The following MYOF variants were observed in gnomAD, a reference collection of about 807,000 sequenced individuals.
The protein encoded by MYOF is fer-1-like 3, myoferlin.
A neutral mutation model predicts 284.2 loss-of-function variants in MYOF; 244 were observed. The observed-to-expected ratio is 0.86, with a 90% CI of 0.77 to 0.95. The LOEUF (loss-of-function observed/expected upper bound fraction) is 0.95. Among genes scored for constraint, MYOF ranks in the 40% least tolerant of loss-of-function variants. The pLI is 0.00. For synonymous variants in MYOF, 904 were observed against 919.7 expected, an observed-to-expected ratio of 0.98 and a Z score of 0.31; for missense variants, 2,496 against 2,560.6, an observed-to-expected ratio of 0.97 and a Z score of 0.54.
chr10:93,453,188 C>T lies in MYOF; in HGVS notation c.145-1047G>A, dbSNP rs187805815. Among the ~76,000 whole-genome samples the T allele has an allele frequency of 7.9e-3, 1,193 of 150,704 alleles. 3 individuals are homozygous for T. The highest frequency in any genetic ancestry group is 0.012 in the Non-Finnish European group (842 of 67,742). ...TACCCAGCTAATTTTTTTTTTGAGACAGAGTCTTGCCCTGTTGCCCAGGCT... is the reference window on the plus strand; with the variant it reads ...TACCCAGCTAATTTTTTTTTTGAGATAGAGTCTTGCCCTGTTGCCCAGGCT... On this transcript the variant is annotated intron_variant, in intron 2 of 53. Transcript: ENST00000359263.
At chr10:93,350,822 A>G (rs1844473129) in intron 35 of MYOF, among the ~76,000 whole-genome samples, 1 of 152,164 alleles carries the variant, frequency 6.6e-6, no homozygotes, top group East Asian at 1.9e-4. Flanking sequence ...TGACATGTCA[A>G]CATTGCTCAC....
Position 93,404,012 on chromosome 10 carries a change from T to A in MYOF, c.843+11A>T. 2 of 1,613,184 alleles carry A rather than the reference T, an allele frequency of 1.2e-6. No individual in the cohort carries two copies. The highest frequency in any genetic ancestry group is 1.7e-6 in the Non-Finnish European group (2 of 1,179,112). On this transcript the variant is annotated intron_variant, in intron 9 of 53. Coordinates refer to ENST00000359263, the MANE Select transcript of MYOF (RefSeq NM_013451.4). ...TCTGTAAGTTGAATGAAGCAGACTG[T>A]TGTCACTCACCTTAAATTCCCCCAT...
At chr10:93,463,737 T>G (rs1038658001) in intron 1 of MYOF, among the ~76,000 whole-genome samples, 1 of 151,918 alleles carries the variant, frequency 6.6e-6, no homozygotes. Flanking sequence ...CCAGGCATAC[T>G]GGCATGCACC....
chr10:93,397,741 A>G (rs1001671205), intron 13 of MYOF, among the ~76,000 whole-genome samples: 2 of 151,870 alleles, frequency 1.3e-5, no homozygotes, highest in African/African-American at 4.8e-5. Context: ...AGGTTGATAG[A>G]GCATTTGTTA....
At chr10:93,333,384 C>G (rs1843429131) in intron 42 of MYOF, 72 bp from the exon 43 acceptor site, 2 of 1,311,954 alleles carry the variant, frequency 1.5e-6, no homozygotes, top group African/African-American at 1.5e-5. Flanking sequence ...GGGACAGACT[C>G]AGCTCGCCTC....
chr10:93,452,726 A>T lies in MYOF; in HGVS notation c.145-585T>A, dbSNP rs537798177. Among the ~76,000 whole-genome samples, 3 of 152,264 alleles carry T rather than the reference A, an allele frequency of 2.0e-5. No individual in the cohort carries two copies. The South Asian group carries it at 6.2e-4, about 32-fold the overall frequency. ...TAATAATAACAAAAATAAAAAAATT[A>T]AAAAAGAATAAAATGCAGGGTATAT... is the stretch of plus-strand genomic sequence containing the variant. On this transcript the variant is annotated intron_variant, in intron 2 of 53. Coordinates refer to ENST00000359263, the MANE Select transcript of MYOF (RefSeq NM_013451.4).
At chr10:93,311,253 T>C (rs1842373100) in intron 51 of MYOF, among the ~76,000 whole-genome samples, 1 of 152,140 alleles carries the variant, frequency 6.6e-6, no homozygotes, top group Non-Finnish European at 1.5e-5. Context: ...CCTACAAAGG[T>C]ACTATTATTG....
At position 93,402,342 on chromosome 10, in the gene MYOF, C is replaced by G; in HGVS notation, c.880G>C (p.Ala294Pro). ...VGFVYDEPGHAVMRKWLLLND... is the reference protein window; with the variant it reads ...VGFVYDEPGHPVMRKWLLLND... ...AGAAGAAGCCACTTTCTCATGACAG[C>G]ATGGCCTAAAATAGAGAAGGAGTAA... The change falls in exon 11 of 54, where the codon GCT becomes CCT. Residue 294 changes from alanine (A) to proline (P), a missense_variant. Ala to Pro is a conservative substitution (Grantham distance 27). Transcript: ENST00000359263. 5.0e-6 allele frequency: 8 copies of G among 1,612,652 alleles called. No homozygotes were observed. The highest frequency in any genetic ancestry group is 6.8e-6 in the Non-Finnish European group (8 of 1,178,858).
At chr10:93,466,883 TGGGA>T (rs925649704) in intron 1 of MYOF, among the ~76,000 whole-genome samples, 5 of 152,008 alleles carry the variant, frequency 3.3e-5, no homozygotes, top group African/African-American at 9.7e-5. Flanking sequence ...GAGGCTGAGG[TGGGA>T]GGATCACTTG....
chr10:93,378,713 A>ATATATATATATG (rs1338159505), intron 21 of MYOF, among the ~76,000 whole-genome samples: 71 of 124,668 alleles, frequency 5.7e-4, no homozygotes, highest in Admixed American at 2.0e-3. Flanking sequence ...ATATATATAT[A>ATATATATATATG]TATGTATATA....
chr10:93,354,688 T>A (rs2133901446), intron 31 of MYOF, among the ~76,000 whole-genome samples: 1 of 151,886 alleles, frequency 6.6e-6, no homozygotes, highest in South Asian at 2.1e-4. Flanking sequence ...TCTCTCTCTC[T>A]CTCTCTCTCT....
At chr10:93,392,131 A>G (rs1398746896) in intron 17 of MYOF, among the ~76,000 whole-genome samples, 2 of 152,238 alleles carry the variant, frequency 1.3e-5, no homozygotes, top group African/African-American at 4.8e-5. Context: ...TCTGATTATA[A>G]TGAAATAGAT....
intron 18 of MYOF, 35 bp downstream of exon 18, chr10:93,388,995 T>G: frequency 1.2e-6 from 2 of 1,605,000 alleles, no homozygotes; most frequent in South Asian, 1.1e-5. Flanking sequence ...CCTTAACCAA[T>G]GCTGATTAAT....
Position 93,433,421 on chromosome 10 carries a change from A to G in MYOF, c.237-1905T>C, listed in dbSNP as rs1006638244. Among the ~76,000 whole-genome samples, 4 of 152,336 alleles carry G rather than the reference A, an allele frequency of 2.6e-5. No individual in the cohort carries two copies. In the East Asian group the frequency reaches 7.7e-4, roughly 29 times the overall value. Reference sequence around the variant, plus strand: ...TGATCCACCTGCCTCAGCCTCTCAAAGTGCTGGGATTACAGGCGTGAGCCG... The same window carrying G: ...TGATCCACCTGCCTCAGCCTCTCAAGGTGCTGGGATTACAGGCGTGAGCCG... On this transcript the variant is annotated intron_variant, in intron 3 of 53. Coordinates refer to ENST00000359263, the MANE Select transcript of MYOF (RefSeq NM_013451.4).
chr10:93,433,615 C>T (rs937529890), intron 3 of MYOF, among the ~76,000 whole-genome samples: 13 of 152,102 alleles, frequency 8.5e-5, no homozygotes, highest in African/African-American at 2.9e-4. Context: ...CCAAAATATC[C>T]GGGTGAGGAA....
At chr10:93,361,313 G>T (rs907645456) in intron 28 of MYOF, 139 bp downstream of exon 28, 1 of 741,686 alleles carries the variant, frequency 1.3e-6, no homozygotes, top group Admixed American at 2.7e-5. Context: ...CCATGAACTG[G>T]TACCAGTCTG....
At chr10:93,393,822 C>T (rs1312642987) in intron 16 of MYOF, among the ~76,000 whole-genome samples, 1 of 150,540 alleles carries the variant, frequency 6.6e-6, no homozygotes, top group Non-Finnish European at 1.5e-5. Context: ...ATCTTCCACA[C>T]TTTTACACTG....
At chr10:93,441,181 G>A (rs1249442684) in intron 3 of MYOF, among the ~76,000 whole-genome samples, 1 of 152,126 alleles carries the variant, frequency 6.6e-6, no homozygotes, top group African/African-American at 2.4e-5. Flanking sequence ...TTCTCCCACT[G>A]TCACATTTAC....
intron 1 of MYOF, among the ~76,000 whole-genome samples, chr10:93,466,998 AAAC>A (rs112864700): frequency 3.3e-5 from 5 of 151,794 alleles, no homozygotes; most frequent in East Asian, 1.9e-4. Context: ...GCAAACAAAC[AAAC>A]AACAACAACA....
Sources: allele counts gnomAD v4.1 joint callset (sites outside exome capture counted in the v4.1 genomes callset), GRCh38; gene constraint gnomAD v4.1.1; transcripts MANE v1.5; gene names NCBI Gene and HGNC (gene_info 2026-07-23, HGNC 2026-07-21).